Variants in F5 observed in about 807,000 individuals in gnomAD.
F5 encodes coagulation factor V, also known as activated protein c cofactor.
Under a neutral mutation model 216.4 loss-of-function variants are expected in F5, and 138 were observed. The ratio of observed to expected loss-of-function variants is 0.64; its 90% confidence interval spans 0.56 to 0.73. F5 has a LOEUF of 0.73. F5 is among the 30% of genes least tolerant of loss of function. The pLI is 0.00. For synonymous variants in F5, 916 were observed against 930.7 expected, an observed-to-expected ratio of 0.98 and a Z score of 0.29; for missense variants, 2,403 against 2,674.0, an observed-to-expected ratio of 0.90 and a Z score of 2.24.
rs1174330500 is a variant in F5 at position 169,544,090 on chromosome 1, G to T, written c.1975+206C>A. Among the ~76,000 whole-genome samples, 8 of 152,050 alleles carry T rather than the reference G, an allele frequency of 5.3e-5. No individual in the cohort carries two copies. In the South Asian group the frequency reaches 6.2e-4, roughly 12 times the overall value. ...TTACTTCCTACTTTGCCCAGAGAAGGAAAAATATAACCCACACTAAAGAAC... is the reference window on the plus strand; with the variant it reads ...TTACTTCCTACTTTGCCCAGAGAAGTAAAAATATAACCCACACTAAAGAAC... On this transcript the variant is annotated intron_variant, in intron 12 of 24. Coordinates refer to ENST00000367797, the MANE Select transcript of F5 (RefSeq NM_000130.5).
At position 169,559,005 on chromosome 1, in the gene F5, T is replaced by TAAAA. The variant is rs58738850; in HGVS notation, c.730+144_730+147dup. 0.13 allele frequency: 94,614 copies of TAAAA among 704,100 alleles called. 7,104 individuals are homozygous for TAAAA. Among genetic ancestry groups the TAAAA allele is most frequent in the African/African-American group, 0.49 (26,697 of 54,298 alleles). 43.6% of individuals were successfully genotyped at this position (704,100 alleles called of 1,614,324 possible). A position where few individuals can be genotyped will look rare whatever the true frequency, so the allele number is the denominator to read the frequency against. On this transcript the variant is annotated intron_variant, in intron 5 of 24. Coordinates refer to ENST00000367797, the MANE Select transcript of F5 (RefSeq NM_000130.5). ...TAATTTGTCTCTTCTATTTCCTGTT[T>TAAAA]AAAAAAAAAAAGAGAAAATATTTCC...
At position 169,524,837 on chromosome 1, in the gene F5, C is replaced by T; in HGVS notation, c.5788G>A (p.Gly1930Ser). 6.2e-7 allele frequency: 1 copy of T among 1,613,376 alleles called. No homozygotes were observed. Among genetic ancestry groups the T allele is most frequent in the Non-Finnish European group, 8.5e-7 (1 of 1,179,442 alleles). The change falls in exon 19 of 25, where the codon GGT becomes AGT. Residue 1930 changes from glycine to serine, a missense_variant and splice_region_variant. Physicochemically the swap from Gly to Ser is moderately conservative, Grantham distance 56. This residue lies in a region of F5 where 659 missense variants were observed against 787.9 expected (regional missense o/e 0.84). Transcript: ENST00000367797. ...DSQIKASEFL[G>S]YWEPRLARLN... ...CACAGACCATGGTGCTACAACTTAC[C>T]CAGAAACTCTGAAGCCTTGATCTGT...
At chr1:169,518,943 A>G (rs1659223445) in intron 22 of F5, among the ~76,000 whole-genome samples, 1 of 152,198 alleles carries the variant, frequency 6.6e-6, no homozygotes, top group Non-Finnish European at 1.5e-5. Context: ...ATAATCCTAA[A>G]TTATCTATAT....
chr1:169,562,364 C>T (rs916670474), intron 3 of F5, among the ~76,000 whole-genome samples: 3 of 152,024 alleles, frequency 2.0e-5, no homozygotes, highest in African/African-American at 7.2e-5. Flanking sequence ...ATCTTTGTCT[C>T]TCTCATTAAA....
intron 10 of F5, among the ~76,000 whole-genome samples, chr1:169,549,220 A>G (rs1660096516): frequency 6.6e-6 from 1 of 152,234 alleles, no homozygotes; most frequent in African/African-American, 2.4e-5. Context: ...CAATTCTTCA[A>G]TGAAGACAAA....
In F5 at chr1:169,534,897, T is replaced by C. The variant is rs7518100; in HGVS notation, c.4971+1609A>G. Among the ~76,000 whole-genome samples, 1,354 of 152,230 alleles carry C rather than the reference T, an allele frequency of 8.9e-3. 28 individuals are homozygous for C. The highest frequency in any genetic ancestry group is 0.031 in the African/African-American group (1,289 of 41,538). On this transcript the variant is annotated intron_variant, in intron 14 of 24. Transcript: ENST00000367797. Reference sequence around the variant, plus strand: ...CCTTTGCAACAACATGGATGCCAGCTGGAGGCTATTATGCTAAGTGAATTA... The same window carrying C: ...CCTTTGCAACAACATGGATGCCAGCCGGAGGCTATTATGCTAAGTGAATTA...
chr1:169,571,759 A>G (rs1660728501), intron 3 of F5, among the ~76,000 whole-genome samples: 1 of 152,160 alleles, frequency 6.6e-6, no homozygotes, highest in African/African-American at 2.4e-5. Flanking sequence ...TAGTTCTGGC[A>G]TCTGTAACCA....
At chr1:169,537,506 A>C (rs1659733931) in intron 13 of F5, among the ~76,000 whole-genome samples, 1 of 152,194 alleles carries the variant, frequency 6.6e-6, no homozygotes, top group Admixed American at 6.5e-5. Flanking sequence ...CATCAAACTC[A>C]AAAGTTTATG....
chr1:169,552,533 T>G (rs376636380), intron 8 of F5, 24 bp downstream of exon 8: 25 of 1,598,622 alleles, frequency 1.6e-5, no homozygotes, highest in Non-Finnish European at 1.9e-5. Context: ...ATTTCTCCCA[T>G]GATTCTGTAT....
intron 1 of F5, among the ~76,000 whole-genome samples, chr1:169,582,830 T>C (rs1328673818): frequency 6.6e-6 from 1 of 152,238 alleles, no homozygotes; most frequent in Non-Finnish European, 1.5e-5. Context: ...ACTGTAGGTT[T>C]AGATTTTATA....
chr1:169,523,767 T>C (rs754746857), intron 20 of F5, 34 bp downstream of exon 20: 8 of 1,462,034 alleles, frequency 5.5e-6, no homozygotes, highest in Non-Finnish European at 7.7e-6. Context: ...ATTATTACGA[T>C]AGCAGTAAAT....
rs374118662 is a variant in F5, at chr1:169,543,053, G to T, written c.2037C>A (p.Phe679Leu). ...SPRSKKLRLK[F>L]RDVKCIPDDD... Reference sequence around the variant, plus strand: ...CATCTGGGATACATTTAACATCCCTGAATTTCAGCCTCAGCTTTTTGCTTC... The same window carrying T: ...CATCTGGGATACATTTAACATCCCTTAATTTCAGCCTCAGCTTTTTGCTTC... Residue 679 changes from phenylalanine to leucine, a missense_variant, in exon 13 of 25, where the codon TTC becomes TTA. Phe to Leu is a conservative substitution (Grantham distance 22). This residue lies in a region of F5 where 1,425 missense variants were observed against 1,554.8 expected (regional missense o/e 0.92). Coordinates refer to ENST00000367797, the MANE Select transcript of F5 (RefSeq NM_000130.5). 6.2e-7 allele frequency: 1 copy of T among 1,613,846 alleles called. No individual in the cohort carries two copies. The highest frequency in any genetic ancestry group is 2.2e-5 in the East Asian group (1 of 44,888).
At chr1:169,536,734 A>G in intron 13 of F5, 54 bp from the exon 14 acceptor site, 1 of 1,437,078 alleles carries the variant, frequency 7.0e-7, no homozygotes, top group Non-Finnish European at 9.7e-7. Flanking sequence ...TGTTCCCAGA[A>G]TTTAGGAAAT....
chr1:169,548,394 A>G lies in F5; in HGVS notation c.1611+1407T>C, dbSNP rs149499601. On this transcript the variant is annotated intron_variant, in intron 10 of 24. Transcript: ENST00000367797. ...AAAAAAGTGCTGTATTCAGTCATTA[A>G]CATTGCAGCAAATTATCTACACCAC... Among the ~76,000 whole-genome samples, 47 of 152,328 alleles carry G rather than the reference A, an allele frequency of 3.1e-4. No individual in the cohort carries two copies. In the East Asian group the frequency reaches 8.9e-3, roughly 29 times the overall value.
At chr1:169,579,871 G>A (rs894431460) in intron 2 of F5, among the ~76,000 whole-genome samples, 1 of 151,982 alleles carries the variant, frequency 6.6e-6, no homozygotes, top group African/African-American at 2.4e-5. Context: ...CTTTCTAAAG[G>A]ACAAATATTT....
intron 21 of F5, among the ~76,000 whole-genome samples, chr1:169,521,952 C>G (rs1659320746): frequency 6.6e-6 from 1 of 151,534 alleles, no homozygotes; most frequent in Non-Finnish European, 1.5e-5. Flanking sequence ...AAATCTCTAG[C>G]AAGATTCACA....
chr1:169,584,833 C>T (rs1010548930), intron 1 of F5, among the ~76,000 whole-genome samples: 3 of 152,240 alleles, frequency 2.0e-5, no homozygotes, highest in Admixed American at 2.0e-4. Context: ...ACCAGAGGAA[C>T]GAATCTCCAG....
At chr1:169,576,074 T>G (rs1478993516) in intron 2 of F5, among the ~76,000 whole-genome samples, 1 of 152,040 alleles carries the variant, frequency 6.6e-6, no homozygotes, top group Non-Finnish European at 1.5e-5. Context: ...TTCCAGTAAC[T>G]GGAAAAGACA....
Position 169,529,721 on chromosome 1 carries a change from A to G in F5, c.5306T>C (p.Phe1769Ser), listed in dbSNP as rs1659546215. 3.7e-6 allele frequency: 6 copies of G among 1,613,854 alleles called. No individual in the cohort carries two copies. Among genetic ancestry groups the G allele is most frequent in the Non-Finnish European group, 5.1e-6 (6 of 1,179,820 alleles). Residue 1769 changes from phenylalanine (F) to serine (S), a missense_variant, in exon 16 of 25, where the codon TTT becomes TCT. By Grantham distance (155) the Phe-to-Ser change is radical (BLOSUM62 -2). Transcript: ENST00000367797. ...DSNMPMDMRE[F>S]VLLFMTFDEK... Reference sequence around the variant, plus strand: ...ATCAAAGGTCATAAATAGTAAGACAAATTCTCTCATGTCCATAGGCATGTT... The same window carrying G: ...ATCAAAGGTCATAAATAGTAAGACAGATTCTCTCATGTCCATAGGCATGTT...
Sources: allele counts gnomAD v4.1 joint callset (sites outside exome capture counted in the v4.1 genomes callset), GRCh38; gene constraint gnomAD v4.1.1; regional missense constraint gnomAD v4.1.1; transcripts MANE v1.5; gene names NCBI Gene and HGNC (gene_info 2026-07-23, HGNC 2026-07-21).